The following OLA1 variants were observed in gnomAD, a reference collection of about 807,000 sequenced individuals.
The protein encoded by OLA1 is Obg like ATPase 1.
In OLA1, 14 loss-of-function variants were observed where a neutral mutation model predicts 48.4. That is an observed-to-expected ratio of 0.29 (90% CI 0.19 to 0.45). The LOEUF (loss-of-function observed/expected upper bound fraction) is 0.45. Ranked by LOEUF, OLA1 falls within the 20% of genes least tolerant of loss-of-function variation. OLA1 has a pLI of 1.00. For missense variants in OLA1, 325 were observed against 467.1 expected (o/e 0.70, Z 2.80); for synonymous variants, 127 against 150.4 (o/e 0.84, Z 1.14).
intron 4 of OLA1, among the ~76,000 whole-genome samples, chr2:174,150,828 G>A (rs765591018): frequency 2.0e-5 from 3 of 152,152 alleles, no homozygotes; most frequent in African/African-American, 2.4e-5. Context: ...ATTAAAAAGG[G>A]AGAGCAATAT....
At chr2:174,078,173 C>T (rs1684789787) in intron 10 of OLA1, among the ~76,000 whole-genome samples, 1 of 151,888 alleles carries the variant, frequency 6.6e-6, no homozygotes, top group Non-Finnish European at 1.5e-5. Context: ...TTTTTGTATT[C>T]CTTTCAACTT....
At chr2:174,170,028 A>G (rs910832929) in intron 4 of OLA1, among the ~76,000 whole-genome samples, 1 of 152,150 alleles carries the variant, frequency 6.6e-6, no homozygotes, top group Non-Finnish European at 1.5e-5. Flanking sequence ...GAAGTGATAC[A>G]ATATAAACTG....
At position 174,223,208 on chromosome 2, in the gene OLA1, T is replaced by C; in HGVS notation, c.246-48A>G. The stretch of plus-strand genomic sequence containing the variant: ...ATTATAAAACAGTACTAAAAACTTA[T>C]CTATCAACCAAATGAATTCTCCAAA... On this transcript the variant is annotated intron_variant, in intron 3 of 10. Coordinates refer to ENST00000284719, the MANE Select transcript of OLA1 (RefSeq NM_013341.5). 4 of 1,533,504 alleles carry C rather than the reference T, an allele frequency of 2.6e-6. No individual in the cohort carries two copies. In the South Asian group the frequency reaches 4.5e-5, roughly 17 times the overall value. The allele number at this position is 1,533,504 out of a possible 1,614,324, so 95.0% of individuals were successfully genotyped here.
intron 4 of OLA1, among the ~76,000 whole-genome samples, chr2:174,205,440 TTTTTGATTCTA>T (rs1688090637): frequency 6.6e-6 from 1 of 152,190 alleles, no homozygotes; most frequent in South Asian, 2.1e-4. Context: ...TAATCCCTAG[TTTTTGATTCTA>T]CTCATCTGGC....
At chr2:174,101,247 T>C (rs772385087) in intron 7 of OLA1, among the ~76,000 whole-genome samples, 3 of 152,248 alleles carry the variant, frequency 2.0e-5, no homozygotes, top group Non-Finnish European at 4.4e-5. Context: ...ATGGTTATAA[T>C]CTGCCTTTCC....
At chr2:174,207,759 A>C (rs2105438033) in intron 4 of OLA1, among the ~76,000 whole-genome samples, 1 of 120,760 alleles carries the variant, frequency 8.3e-6, no homozygotes, top group Middle Eastern at 4.3e-3. Context: ...ATACAGATTG[A>C]AAAGTAAAAT....
intron 7 of OLA1, among the ~76,000 whole-genome samples, chr2:174,099,163 T>A (rs993588851): frequency 4.0e-5 from 6 of 151,530 alleles, no homozygotes; most frequent in African/African-American, 7.3e-5. Context: ...TTTATTTATT[T>A]TTTTTTTTTT....
chr2:174,241,963 T>C (rs1194410853), intron 2 of OLA1, among the ~76,000 whole-genome samples: 3 of 152,214 alleles, frequency 2.0e-5, no homozygotes, highest in Non-Finnish European at 2.9e-5. Flanking sequence ...TAACCAAACA[T>C]GTGGCTGTCA....
chr2:174,164,388 T>TCTGCATAGTGCAGAATGGATACCATTC (rs1336618491), intron 4 of OLA1, among the ~76,000 whole-genome samples: 1 of 149,450 alleles, frequency 6.7e-6, no homozygotes, highest in Non-Finnish European at 1.5e-5. Flanking sequence ...CCATTCTGTT[T>TCTGCATAGTGCAGAATGGATACCATTC]TATGTTTGGT....
intron 4 of OLA1, among the ~76,000 whole-genome samples, chr2:174,192,651 T>C (rs1316455229): frequency 6.6e-6 from 1 of 152,222 alleles, no homozygotes; most frequent in Non-Finnish European, 1.5e-5. Flanking sequence ...CCTGAAGAAC[T>C]TGCTTTAACA....
chr2:174,235,128 C>T (rs1688817991), intron 2 of OLA1, among the ~76,000 whole-genome samples: 1 of 151,996 alleles, frequency 6.6e-6, no homozygotes, highest in Admixed American at 6.6e-5. Flanking sequence ...CACTGCACTC[C>T]AGCCCGGGCA....
At chr2:174,228,996 C>T (rs371536843) in intron 3 of OLA1, among the ~76,000 whole-genome samples, 1 of 152,318 alleles carries the variant, frequency 6.6e-6, no homozygotes, top group East Asian at 1.9e-4. Context: ...CCTGCCTCAG[C>T]CTCCCAAGTA....
chr2:174,142,917 C>T (rs1325078295), intron 4 of OLA1, among the ~76,000 whole-genome samples: 1 of 151,984 alleles, frequency 6.6e-6, no homozygotes, highest in Non-Finnish European at 1.5e-5. Flanking sequence ...TTAAAACTAC[C>T]AATTAGATTA....
chr2:174,188,022 T>C (rs1258622923), intron 4 of OLA1, among the ~76,000 whole-genome samples: 1 of 152,134 alleles, frequency 6.6e-6, no homozygotes. Context: ...GAGGCTCCAG[T>C]TGTTCATTCA....
intron 5 of OLA1, 98 bp from the exon 6 acceptor site, chr2:174,123,773 T>G: frequency 1.9e-6 from 1 of 516,426 alleles, no homozygotes; most frequent in Non-Finnish European, 3.2e-6. Context: ...AAAAATAGAT[T>G]GTTTTAATGA....
chr2:174,089,638 A>T (rs1685060080), intron 7 of OLA1, among the ~76,000 whole-genome samples: 1 of 152,180 alleles, frequency 6.6e-6, no homozygotes, highest in South Asian at 2.1e-4. Context: ...GCAGTGGCTC[A>T]TGCCTGTAAT....
intron 4 of OLA1, among the ~76,000 whole-genome samples, chr2:174,206,768 T>C (rs909424604): frequency 2.6e-5 from 4 of 152,226 alleles, no homozygotes; most frequent in African/African-American, 9.6e-5. Context: ...GAATGCATTG[T>C]ATATGTAGAT....
chr2:174,223,136 C>A lies in OLA1; in HGVS notation c.270G>T (p.Val90=), dbSNP rs754130429. ...CTTTCACAAGGCCAGCAATATCCAC[C>A]ACATTTAGAAAGGCAGGAATTTTGC... The part of the protein sequence containing the change: ...PASKIPAFLN[V]VDIAGLVKGA... The change falls in exon 4 of 11, where the codon GTG becomes GTT. Residue 90 remains valine, a synonymous_variant. Coordinates refer to ENST00000284719, the MANE Select transcript of OLA1 (RefSeq NM_013341.5). 6.2e-7 allele frequency: 1 copy of A among 1,613,798 alleles called. No individual in the cohort carries two copies. Among genetic ancestry groups the A allele is most frequent in the Non-Finnish European group, 8.5e-7 (1 of 1,179,866 alleles).
At chr2:174,230,822 C>T (rs1352960139) in intron 2 of OLA1, among the ~76,000 whole-genome samples, 2 of 152,146 alleles carry the variant, frequency 1.3e-5, no homozygotes, top group Non-Finnish European at 2.9e-5. Flanking sequence ...CCAACCAGAA[C>T]TAGAAAAGCC....
Sources: gnomAD v4.1 joint callset for allele counts (sites outside exome capture counted in the v4.1 genomes callset) on GRCh38, gnomAD v4.1.1 for gene constraint, MANE v1.5 for transcripts, NCBI Gene and HGNC (gene_info 2026-07-23, HGNC 2026-07-21) for gene names.